Variants in PROM1 observed in about 807,000 individuals in gnomAD.
PROM1 encodes prominin 1.
In PROM1, 105 loss-of-function variants were observed where a neutral mutation model predicts 116.9. The ratio of observed to expected loss-of-function variants is 0.90; its 90% CI spans 0.77 to 1.06. The LOEUF (loss-of-function observed/expected upper bound fraction) is 1.06, where lower values mean the gene tolerates loss of function less well. Among genes scored for constraint, PROM1 ranks in the 50% least tolerant of loss-of-function variants. The pLI is 0.00. For missense variants in PROM1, 1,122 were observed against 1,045.2 expected (o/e 1.07, Z -1.01); for synonymous variants, 393 against 387.0 (o/e 1.02, Z -0.18).
In PROM1 at chr4:15,987,657, C is replaced by T. The variant is rs754049848; in HGVS notation, c.2130+6G>A. On this transcript the variant is annotated splice_donor_region_variant and intron_variant, in intron 20 of 27. Transcript: ENST00000447510. The stretch of plus-strand genomic sequence containing the variant: ...CCCCATGACAGAAAACAAAGTAAAC[C>T]CTTACCAACAATCCATTCCCTGTGC... The T allele has an allele frequency of 5.0e-6, 8 of 1,608,460 alleles. No individual in the cohort carries two copies. The South Asian group carries it at 8.9e-5, about 18-fold the overall frequency.
intron 2 of PROM1, among the ~76,000 whole-genome samples, chr4:16,046,951 C>T (rs1736689516): frequency 6.6e-6 from 1 of 152,206 alleles, no homozygotes. Context: ...GGAATAACTG[C>T]CTGTGTCTGT....
chr4:16,055,357 T>A, intron 2 of PROM1: 1 of 456,042 alleles, frequency 2.2e-6, no homozygotes, highest in Non-Finnish European at 4.4e-6. Flanking sequence ...ATTCCCCTTG[T>A]CCTCTTTCTG....
At chr4:15,975,282 C>A (rs549331981) in intron 26 of PROM1, among the ~76,000 whole-genome samples, 1 of 152,174 alleles carries the variant, frequency 6.6e-6, no homozygotes, top group South Asian at 2.1e-4. Flanking sequence ...TGCGGTGGTG[C>A]AATCTCAGCT....
Position 16,075,802 on chromosome 4 carries a change from T to C in PROM1, c.105A>G (p.Glu35=), listed in dbSNP as rs886059205. The C allele has an allele frequency of 1.2e-6, 2 of 1,613,706 alleles. No homozygotes were observed. The highest frequency in any genetic ancestry group is 8.5e-7 in the Non-Finnish European group (1 of 1,179,828). ...GGGTCTCATAATTTGTTGCAGGCAATTCATAATTCCAAGCCTTAGGAGCAT... is the reference window on the plus strand; with the variant it reads ...GGGTCTCATAATTTGTTGCAGGCAACTCATAATTCCAAGCCTTAGGAGCAT... ...STDAPKAWNY[E]LPATNYETQD... is the part of the protein sequence containing the mutation. The change falls in exon 2 of 28, where the codon GAA becomes GAG. Residue 35 remains glutamate, a synonymous_variant. Transcript: ENST00000447510.
At chr4:16,060,470 C>T (rs1242195480) in intron 2 of PROM1, among the ~76,000 whole-genome samples, 5 of 152,108 alleles carry the variant, frequency 3.3e-5, no homozygotes, top group African/African-American at 4.8e-5. Flanking sequence ...CGTGCTACCA[C>T]GCCCGGCTAA....
chr4:16,000,664 ATATTACCTACTGATACT>A, intron 13 of PROM1, 45 bp from the exon 14 acceptor site: 1 of 1,462,150 alleles, frequency 6.8e-7, no homozygotes. Context: ...GAATGATTCA[ATATTACCTACTGATACT>A]TACTAAATCT....
chr4:16,065,150 C>T (rs928762876), intron 2 of PROM1, among the ~76,000 whole-genome samples: 1 of 152,172 alleles, frequency 6.6e-6, no homozygotes, highest in Non-Finnish European at 1.5e-5. Flanking sequence ...CTGAGTGATG[C>T]TCAATCTCCA....
At chr4:16,055,473 G>T in intron 2 of PROM1, 1 of 455,414 alleles carries the variant, frequency 2.2e-6, no homozygotes, top group South Asian at 1.6e-5. Flanking sequence ...GTAGGGAATT[G>T]AATAATTATT....
intron 19 of PROM1, among the ~76,000 whole-genome samples, chr4:15,989,005 T>C (rs1050832020): frequency 1.1e-4 from 16 of 152,168 alleles, no homozygotes; most frequent in African/African-American, 2.9e-4. Context: ...CTCTCCTTGA[T>C]GGCTACAAAT....
At chr4:16,017,158 C>G (rs558316882) in intron 9 of PROM1, among the ~76,000 whole-genome samples, 4 of 152,176 alleles carry the variant, frequency 2.6e-5, no homozygotes, top group African/African-American at 9.6e-5. Context: ...GAGAAAAGAA[C>G]AAAATGCATA....
intron 2 of PROM1, among the ~76,000 whole-genome samples, chr4:16,062,595 G>A (rs1437893381): frequency 6.6e-6 from 1 of 152,106 alleles, no homozygotes; most frequent in African/African-American, 2.4e-5. Context: ...TAAAAATCTA[G>A]AACTCTGAAC....
intron 2 of PROM1, among the ~76,000 whole-genome samples, chr4:16,046,538 T>G (rs1736586674): frequency 6.6e-6 from 1 of 152,254 alleles, no homozygotes; most frequent in Non-Finnish European, 1.5e-5. Context: ...AGGAGCCAAT[T>G]CATTGCCTGA....
intron 8 of PROM1, 92 bp from the exon 9 acceptor site, chr4:16,018,632 A>G: frequency 1.8e-6 from 2 of 1,108,338 alleles, no homozygotes; most frequent in Admixed American, 4.1e-5. Context: ...GGACTGGTAA[A>G]TGACTTTAGA....
intron 2 of PROM1, among the ~76,000 whole-genome samples, chr4:16,049,368 CCA>C (rs1418188126): frequency 6.6e-6 from 1 of 152,118 alleles, no homozygotes; most frequent in African/African-American, 2.4e-5. Context: ...AATGGCTTCC[CCA>C]GGACAGGCAG....
Position 15,992,396 on chromosome 4 carries a change from G to GA in PROM1, c.1768-6dup, listed in dbSNP as rs971972707. 1.2e-6 allele frequency: 2 copies of GA among 1,606,704 alleles called. No individual in the cohort carries two copies. Among genetic ancestry groups the GA allele is most frequent in the Non-Finnish European group, 1.7e-6 (2 of 1,177,176 alleles). On this transcript the variant is annotated splice_polypyrimidine_tract_variant and splice_region_variant and intron_variant, in intron 16 of 27. Coordinates refer to ENST00000447510, the MANE Select transcript of PROM1 (RefSeq NM_006017.3). The stretch of plus-strand genomic sequence containing the variant: ...ACTGCTTATGCTTCCAGTATGCTGC[G>GA]AAAAAAGGAAGTTACAAATCAGTCC...
chr4:16,042,233 A>G (rs1308673707), intron 2 of PROM1, among the ~76,000 whole-genome samples: 1 of 152,248 alleles, frequency 6.6e-6, no homozygotes, highest in Non-Finnish European at 1.5e-5. Flanking sequence ...CAAAGTGCGT[A>G]TCCACCACCA....
At chr4:16,048,927 C>T (rs1383752147) in intron 2 of PROM1, among the ~76,000 whole-genome samples, 1 of 152,100 alleles carries the variant, frequency 6.6e-6, no homozygotes, top group Non-Finnish European at 1.5e-5. Context: ...TTAGAGGAAG[C>T]GAGTACTCAG....
intron 17 of PROM1, 129 bp downstream of exon 17, chr4:15,992,119 A>T (rs6449210): frequency 0.014 from 16,120 of 1,193,152 alleles, 593 homozygotes; most frequent in East Asian, 0.12. Context: ...ATGCCACCGA[A>T]TTGCTCACTT....
intron 4 of PROM1, 27 bp from the exon 5 acceptor site, chr4:16,033,536 C>T (rs753213305): frequency 7.2e-7 from 1 of 1,396,642 alleles, no homozygotes; most frequent in Non-Finnish European, 9.8e-7. Flanking sequence ...AGAAACAGCA[C>T]ATATTGTAGC....
Sources: gnomAD v4.1 joint callset for allele counts (sites outside exome capture counted in the v4.1 genomes callset) on GRCh38, gnomAD v4.1.1 for gene constraint, MANE v1.5 for transcripts, NCBI Gene and HGNC (gene_info 2026-07-23, HGNC 2026-07-21) for gene names.